Variants in POP1 observed in about 807,000 individuals in gnomAD.
POP1 encodes the protein ribonucleases P/MRP protein subunit POP1.
Under a neutral mutation model 102.2 loss-of-function variants are expected in POP1, and 75 were observed. The ratio of observed to expected loss-of-function variants is 0.73; its 90% CI spans 0.61 to 0.89. The LOEUF (loss-of-function observed/expected upper bound fraction) is 0.89, where lower values mean the gene tolerates loss of function less well. POP1 is among the 40% of genes least tolerant of loss of function. The pLI is 0.00. For missense variants in POP1, 1,116 were observed against 1,267.4 expected, an observed-to-expected ratio of 0.88 and a Z score of 1.81; for synonymous variants, 436 against 464.1, an observed-to-expected ratio of 0.94 and a Z score of 0.78.
intron 6 of POP1, 149 bp from the exon 7 acceptor site, chr8:98,134,323 A>C: frequency 1.2e-6 from 1 of 806,186 alleles, no homozygotes; most frequent in Non-Finnish European, 2.1e-6. Flanking sequence ...TTGAGAACTT[A>C]TTGTGTGCCA....
chr8:98,136,376 A>G, intron 7 of POP1, 106 bp from the exon 8 acceptor site: 1 of 1,345,242 alleles, frequency 7.4e-7, no homozygotes, highest in Non-Finnish European at 1.0e-6. Flanking sequence ...GTGCCTGGCC[A>G]AAAATGTTAA....
At position 98,158,773 on chromosome 8, in the gene POP1, AGC is replaced by A. The variant is rs887855155; in HGVS notation, c.*503_*504del. 1 of 154,814 alleles carries A rather than the reference AGC, an allele frequency of 6.5e-6. No individual in the cohort carries two copies. The highest frequency in any genetic ancestry group is 6.4e-5 in the Admixed American group (1 of 15,610). 9.6% of individuals were successfully genotyped at this position (154,814 alleles called of 1,614,324 possible). A position where few individuals can be genotyped will look rare whatever the true frequency, so the allele number is the denominator to read the frequency against. Reference sequence around the variant, plus strand: ...TGTGATTTCCATGCCGAACAACTCAAGCCTTAAAGAGAGAAATCATGGACAAC... The same window carrying A: ...TGTGATTTCCATGCCGAACAACTCAACTTAAAGAGAGAAATCATGGACAAC... On this transcript the variant is annotated 3_prime_UTR_variant, in exon 16 of 16. Transcript: ENST00000401707.
At chr8:98,149,784 GTAAATAAA>G (rs149431668) in intron 13 of POP1, among the ~76,000 whole-genome samples, 19,132 of 151,498 alleles carry the variant, frequency 0.13, 1,286 homozygotes, top group Middle Eastern at 0.26. Context: ...AAATAAATAA[GTAAATAAA>G]TAAATAAATA....
chr8:98,144,060 G>A (rs1267186994), intron 11 of POP1, among the ~76,000 whole-genome samples: 1 of 151,920 alleles, frequency 6.6e-6, no homozygotes, highest in African/African-American at 2.4e-5. Context: ...GGAGGCCAAG[G>A]CAGGAGAATA....
chr8:98,145,467 A>G (rs1170554323), intron 11 of POP1, among the ~76,000 whole-genome samples: 1 of 152,232 alleles, frequency 6.6e-6, no homozygotes. Context: ...TGGGGATTAA[A>G]TGACTGCATG....
At chr8:98,149,814 G>T (rs952345502) in intron 13 of POP1, among the ~76,000 whole-genome samples, 2 of 151,778 alleles carry the variant, frequency 1.3e-5, no homozygotes, top group Non-Finnish European at 2.9e-5. Flanking sequence ...ATATTACTTC[G>T]ATTCTAGAGA....
chr8:98,118,760 G>A (rs1335414763), intron 1 of POP1, among the ~76,000 whole-genome samples: 4 of 151,334 alleles, frequency 2.6e-5, no homozygotes, highest in African/African-American at 9.7e-5. Flanking sequence ...GTTTCCTATT[G>A]TGCTGTACCG....
At chr8:98,127,198 G>A (rs1816230236) in intron 2 of POP1, among the ~76,000 whole-genome samples, 1 of 152,030 alleles carries the variant, frequency 6.6e-6, no homozygotes, top group African/African-American at 2.4e-5. Flanking sequence ...CCTCCTAAAG[G>A]CCCCACCTCC....
intron 1 of POP1, among the ~76,000 whole-genome samples, chr8:98,119,265 T>A (rs1815943827): frequency 6.6e-6 from 1 of 152,260 alleles, no homozygotes; most frequent in South Asian, 2.1e-4. Flanking sequence ...TCAACTTGTG[T>A]AAAATATTTC....
chr8:98,134,014 T>C lies in POP1; in HGVS notation c.801T>C (p.Ser267=). The part of the protein sequence containing the change: ...GKEEEILKAL[S]GMCNIDTGLT... ...AGGAAGAAATACTAAAGGCGCTTTCTGGAATGTGTAACATAGACACAGGTA... is the reference window on the plus strand; with the variant it reads ...AGGAAGAAATACTAAAGGCGCTTTCCGGAATGTGTAACATAGACACAGGTA... Residue 267 remains serine (S), a synonymous_variant, in exon 6 of 16, where the codon TCT becomes TCC. Transcript: ENST00000401707. The C allele has an allele frequency of 6.2e-7, 1 of 1,611,798 alleles. No individual in the cohort carries two copies. Among genetic ancestry groups the C allele is most frequent in the African/African-American group, 1.3e-5 (1 of 74,996 alleles).
chr8:98,146,776 G>T (rs1816856225), intron 12 of POP1, 93 bp downstream of exon 12: 1 of 939,628 alleles, frequency 1.1e-6, no homozygotes, highest in Non-Finnish European at 1.7e-6. Context: ...ATACTTCATA[G>T]AATTCCATAG....
Position 98,117,736 on chromosome 8 carries a change from C to T in POP1, c.-3+346C>T, listed in dbSNP as rs187402660. 4.8e-4 allele frequency: 75 copies of T among 157,454 alleles called. No individual in the cohort carries two copies. In the East Asian group the frequency reaches 0.013, roughly 28 times the overall value. 9.8% of individuals were successfully genotyped at this position (157,454 alleles called of 1,614,324 possible). A position where few individuals can be genotyped will look rare whatever the true frequency, so the allele number is the denominator to read the frequency against. On this transcript the variant is annotated intron_variant, in intron 1 of 15. Transcript: ENST00000401707. ...CGTTGGTCCTCCCGTGTTCCCTTTCCTGCTCCTCCTGTGTTCCCTTCTCTA... is the reference window on the plus strand; with the variant it reads ...CGTTGGTCCTCCCGTGTTCCCTTTCTTGCTCCTCCTGTGTTCCCTTCTCTA...
intron 1 of POP1, among the ~76,000 whole-genome samples, chr8:98,119,351 G>A (rs1364593956): frequency 6.6e-6 from 1 of 152,176 alleles, no homozygotes; most frequent in Admixed American, 6.5e-5. Context: ...AGATCTGGAA[G>A]AAAATAGACA....
intron 14 of POP1, among the ~76,000 whole-genome samples, chr8:98,151,876 G>A (rs958633476): frequency 6.6e-6 from 1 of 151,620 alleles, no homozygotes; most frequent in Non-Finnish European, 1.5e-5. Context: ...CTGAGTAGCT[G>A]GGACTATAGG....
intron 2 of POP1, among the ~76,000 whole-genome samples, chr8:98,125,531 C>A (rs1816174321): frequency 6.6e-6 from 1 of 151,308 alleles, no homozygotes; most frequent in African/African-American, 2.4e-5. Context: ...TGCCCAGACA[C>A]TTGTATGGAA....
In POP1 at chr8:98,143,505, A is replaced by G. The variant is rs138017530; in HGVS notation, c.1594+2617A>G. ...CGTTTGTTACAATCCATGAACCGACATTAACACATCATTATCACCTAAAGT... is the reference window on the plus strand; with the variant it reads ...CGTTTGTTACAATCCATGAACCGACGTTAACACATCATTATCACCTAAAGT... On this transcript the variant is annotated intron_variant, in intron 11 of 15. Coordinates refer to ENST00000401707, the MANE Select transcript of POP1 (RefSeq NM_001145860.2). 6.9e-3 allele frequency among the ~76,000 whole-genome samples: 1,047 copies of G among 152,240 alleles called. 14 individuals carry two copies. The highest frequency in any genetic ancestry group is 0.024 in the African/African-American group (987 of 41,540).
chr8:98,127,536 C>A (rs1586229706), intron 2 of POP1, 59 bp from the exon 3 acceptor site: 2 of 1,593,716 alleles, frequency 1.3e-6, no homozygotes, highest in East Asian at 4.5e-5. Flanking sequence ...AATATTAGTT[C>A]TCCACTATAA....
rs766912740 is a variant in POP1, at chr8:98,140,117, A to G, written c.1402A>G (p.Ile468Val). ...DTEETPHRWW[I>V]ETCKKPDSVS... ...AGAGGAGACACCTCACCGCTGGTGG[A>G]TAGAAACCTGTAAGAAACCTGACAG... The change falls in exon 10 of 16, where the codon ATA becomes GTA. Residue 468 changes from isoleucine to valine, a missense_variant. By Grantham distance (29) the Ile-to-Val change is conservative. Coordinates refer to ENST00000401707, the MANE Select transcript of POP1 (RefSeq NM_001145860.2). 5.0e-6 allele frequency: 8 copies of G among 1,614,058 alleles called. No homozygotes were observed. The highest frequency in any genetic ancestry group is 6.8e-6 in the Non-Finnish European group (8 of 1,180,032).
At chr8:98,141,483 T>C (rs569712265) in intron 11 of POP1, among the ~76,000 whole-genome samples, 2 of 152,288 alleles carry the variant, frequency 1.3e-5, no homozygotes, top group East Asian at 3.9e-4. Flanking sequence ...TTAAACATGA[T>C]TAATTGGAAG....
Sources: allele counts gnomAD v4.1 joint callset (sites outside exome capture counted in the v4.1 genomes callset), GRCh38; gene constraint gnomAD v4.1.1; transcripts MANE v1.5; gene names NCBI Gene and HGNC (gene_info 2026-07-23, HGNC 2026-07-21).